The following CPLX2 variants were observed in gnomAD, a reference collection of about 807,000 sequenced individuals.
CPLX2 encodes the protein complexin 2, also known as complexin-2.
A neutral mutation model predicts 16.3 loss-of-function variants in CPLX2; 5 were observed. That is an observed-to-expected ratio of 0.31 (90% CI 0.16 to 0.64). CPLX2 has a LOEUF of 0.64. CPLX2 is among the 30% of genes least tolerant of loss of function. The pLI is 0.79. For missense variants in CPLX2, 144 were observed against 181.4 expected (o/e 0.79, Z 1.18); for synonymous variants, 89 against 73.2 (o/e 1.22, Z -1.10).
intron 1 of CPLX2, among the ~76,000 whole-genome samples, chr5:175,807,694 A>AC (rs1554117924): frequency 7.3e-6 from 1 of 137,346 alleles, no homozygotes; most frequent in Non-Finnish European, 1.7e-5. Flanking sequence ...CCACTTACTC[A>AC]TCATTCATTC....
chr5:175,825,268 C>T (rs1367993142), intron 2 of CPLX2, among the ~76,000 whole-genome samples: 1 of 152,040 alleles, frequency 6.6e-6, no homozygotes, highest in East Asian at 1.9e-4. Context: ...GTGGCATGCA[C>T]CTGTAGTCCC....
chr5:175,858,081 G>T (rs1759294559), intron 2 of CPLX2, among the ~76,000 whole-genome samples: 1 of 152,228 alleles, frequency 6.6e-6, no homozygotes. Context: ...AAGCTGACTT[G>T]CCCAAAGTCA....
rs574427383 is a variant in CPLX2, at chr5:175,818,490, C to T, written c.-89+9422C>T. 2.6e-5 allele frequency among the ~76,000 whole-genome samples: 4 copies of T among 152,080 alleles called. No homozygotes were observed. In the East Asian group the frequency reaches 7.8e-4, roughly 29 times the overall value. ...AAATTACTGAACTATAACCTATGTT[C>T]ATAAAGTTCTCCTAAGTTTACAGCT... On this transcript the variant is annotated intron_variant, in intron 2 of 4. Transcript: ENST00000359546.
chr5:175,856,195 A>G (rs1275611253), intron 2 of CPLX2, among the ~76,000 whole-genome samples: 2 of 152,230 alleles, frequency 1.3e-5, no homozygotes, highest in African/African-American at 4.8e-5. Context: ...TAAAATGGGC[A>G]TAACAATAGT....
intron 2 of CPLX2, among the ~76,000 whole-genome samples, chr5:175,827,670 G>A (rs1052788309): frequency 2.0e-5 from 3 of 152,188 alleles, no homozygotes; most frequent in Non-Finnish European, 4.4e-5. Context: ...TGAGGCAGGA[G>A]AATCGCTTGA....
chr5:175,838,907 G>C (rs1231297548), intron 2 of CPLX2, among the ~76,000 whole-genome samples: 1 of 152,170 alleles, frequency 6.6e-6, no homozygotes, highest in Non-Finnish European at 1.5e-5. Flanking sequence ...ACTTGGAGTT[G>C]GGACACCAAG....
chr5:175,850,972 AC>A (rs869203121), intron 2 of CPLX2, among the ~76,000 whole-genome samples: 1 of 50,318 alleles, frequency 2.0e-5, no homozygotes, highest in Non-Finnish European at 3.8e-5. Flanking sequence ...GGGCAGAGAG[AC>A]GAGATCTCAG....
intron 2 of CPLX2, among the ~76,000 whole-genome samples, chr5:175,815,493 G>C (rs367775499): frequency 1.3e-5 from 2 of 152,288 alleles, no homozygotes; most frequent in South Asian, 2.1e-4. Flanking sequence ...ACAGGCACGG[G>C]GCCCCAGGGT....
chr5:175,873,159 C>A (rs1266124782), intron 1 of CPLX2: 1 of 147,844 alleles, frequency 6.8e-6, no homozygotes, highest in Non-Finnish European at 1.5e-5. Context: ...ACCAAGGCTT[C>A]CCGCAGAATC....
chr5:175,850,447 A>G (rs939489737), intron 2 of CPLX2, among the ~76,000 whole-genome samples: 11 of 152,162 alleles, frequency 7.2e-5, no homozygotes, highest in Non-Finnish European at 1.5e-4. Context: ...CTAGAGCCGC[A>G]CTGGGAAGGA....
intron 2 of CPLX2, among the ~76,000 whole-genome samples, chr5:175,839,097 G>A (rs950133305): frequency 7.2e-5 from 11 of 152,000 alleles, no homozygotes; most frequent in African/African-American, 2.7e-4. Context: ...AGAGTCACAC[G>A]ATGTTGCCCA....
chr5:175,880,126 A>C lies in CPLX2; in HGVS notation c.*81A>C, dbSNP rs924899553. 1 of 1,477,324 alleles carries C rather than the reference A, an allele frequency of 6.8e-7. No individual in the cohort carries two copies. Among genetic ancestry groups the C allele is most frequent in the Non-Finnish European group, 9.3e-7 (1 of 1,079,104 alleles). The allele number at this position is 1,477,324 out of a possible 1,614,324, so 91.5% of individuals were successfully genotyped here. A position where few individuals can be genotyped will look rare whatever the true frequency, so the allele number is the denominator to read the frequency against. Reference sequence around the variant, plus strand: ...TTTTCTTTTTATTAGGTTAAGTCTCAATTCTGAAGGGGAAAACCTCAGTTG... The same window carrying C: ...TTTTCTTTTTATTAGGTTAAGTCTCCATTCTGAAGGGGAAAACCTCAGTTG... On this transcript the variant is annotated 3_prime_UTR_variant, in exon 4 of 4. Coordinates refer to ENST00000393745, the MANE Select transcript of CPLX2 (RefSeq NM_001008220.2).
intron 2 of CPLX2, among the ~76,000 whole-genome samples, chr5:175,859,806 T>A (rs1359449333): frequency 6.6e-6 from 1 of 152,202 alleles, no homozygotes; most frequent in Non-Finnish European, 1.5e-5. Context: ...CAAAGGAAGA[T>A]CAGCTTCTTC....
chr5:175,866,865 G>A (rs1382733080), upstream of CPLX2, among the ~76,000 whole-genome samples: 2 of 152,216 alleles, frequency 1.3e-5, no homozygotes, highest in African/African-American at 4.8e-5. Context: ...TTGAGGCCAG[G>A]AGTTCAAGAC....
At chr5:175,871,458 A>AGGGAGG (rs1554122146), upstream of CPLX2, 1 of 79,904 alleles carries the variant, frequency 1.3e-5, no homozygotes, top group Non-Finnish European at 2.8e-5. Context: ...AGAGAGAGAG[A>AGGGAGG]GAGAGAGAGA....
intron 1 of CPLX2, among the ~76,000 whole-genome samples, chr5:175,803,657 T>A (rs1758140504): frequency 6.6e-6 from 1 of 152,322 alleles, no homozygotes. Context: ...AGGCAGGACC[T>A]TGAAGGCTGA....
intron 2 of CPLX2, among the ~76,000 whole-genome samples, chr5:175,852,163 C>G (rs543956841): frequency 6.6e-6 from 1 of 152,176 alleles, no homozygotes; most frequent in African/African-American, 2.4e-5. Flanking sequence ...CAGTCCAACT[C>G]CAGGAACACT....
chr5:175,843,389 AAC>A (rs896721114), intron 2 of CPLX2, among the ~76,000 whole-genome samples: 10 of 152,044 alleles, frequency 6.6e-5, no homozygotes, highest in African/African-American at 2.2e-4. Context: ...ATGTCCCCCC[AAC>A]ACACACACAC....
chr5:175,824,144 T>G (rs1341766343), intron 2 of CPLX2, among the ~76,000 whole-genome samples: 1 of 152,162 alleles, frequency 6.6e-6, no homozygotes, highest in Non-Finnish European at 1.5e-5. Context: ...AAGGACGCCT[T>G]TTTTTCTTTC....
Sources: allele counts gnomAD v4.1 joint callset (sites outside exome capture counted in the v4.1 genomes callset), GRCh38; gene constraint gnomAD v4.1.1; transcripts MANE v1.5; gene names NCBI Gene and HGNC (gene_info 2026-07-23, HGNC 2026-07-21).